Variants in CNTNAP5 observed in about 807,000 individuals in gnomAD.
CNTNAP5 encodes contactin-associated protein-like 5.
In CNTNAP5, 72 loss-of-function variants were observed where a neutral mutation model predicts 150.2. The ratio of observed to expected loss-of-function variants is 0.48; its 90% CI spans 0.40 to 0.58. The LOEUF (loss-of-function observed/expected upper bound fraction) is 0.58. Among genes scored for constraint, CNTNAP5 ranks in the 20% least tolerant of loss-of-function variants. The pLI, the probability that CNTNAP5 is intolerant of heterozygous loss-of-function variation, is 0.00. For missense variants in CNTNAP5, 1,636 were observed against 1,626.2 expected, an observed-to-expected ratio of 1.01 and a Z score of -0.10; for synonymous variants, 672 against 619.8, an observed-to-expected ratio of 1.08 and a Z score of -1.25.
At chr2:124,307,013 C>G (rs987214861) in intron 3 of CNTNAP5, among the ~76,000 whole-genome samples, 1 of 152,092 alleles carries the variant, frequency 6.6e-6, no homozygotes, top group Non-Finnish European at 1.5e-5. Context: ...TAGGAATGAG[C>G]CACTGCAGCC....
intron 1 of CNTNAP5, among the ~76,000 whole-genome samples, chr2:124,113,023 G>T (rs1187488697): frequency 6.6e-6 from 1 of 152,160 alleles, no homozygotes; most frequent in African/African-American, 2.4e-5. Flanking sequence ...TCAAGAGTTA[G>T]CAGAGAGCTG....
chr2:124,693,827 C>CAA (rs140893750), intron 13 of CNTNAP5, among the ~76,000 whole-genome samples: 5 of 100,476 alleles, frequency 5.0e-5, no homozygotes, highest in South Asian at 3.3e-4. Flanking sequence ...CAAAAGAAAG[C>CAA]AAAAAAAAAA....
chr2:124,330,213 T>C (rs547381705), intron 3 of CNTNAP5, among the ~76,000 whole-genome samples: 2 of 152,272 alleles, frequency 1.3e-5, no homozygotes, highest in Admixed American at 1.3e-4. Context: ...TCAACCTCAG[T>C]TCCTCAAAGC....
chr2:124,318,357 AT>A (rs1364037958), intron 3 of CNTNAP5, among the ~76,000 whole-genome samples: 2 of 152,354 alleles, frequency 1.3e-5, no homozygotes, highest in East Asian at 3.9e-4. Flanking sequence ...CAGAATATAT[AT>A]TTTAACCACT....
intron 1 of CNTNAP5, among the ~76,000 whole-genome samples, chr2:124,210,282 A>T (rs1685972395): frequency 6.6e-6 from 1 of 152,178 alleles, no homozygotes; most frequent in South Asian, 2.1e-4. Flanking sequence ...TTTAAATATG[A>T]TTTGGAAGTC....
intron 3 of CNTNAP5, among the ~76,000 whole-genome samples, chr2:124,322,161 TAATAAAATAAAATAAAATAAAATAA>T (rs10524229): frequency 1.3e-5 from 2 of 149,028 alleles, no homozygotes; most frequent in African/African-American, 2.5e-5. Flanking sequence ...AAAATAATAA[TAATAAAATAAAATAAAATAAAATAA>T]AATAAAATAA....
In CNTNAP5 at chr2:124,915,639, A is replaced by T. The variant is rs938736862; in HGVS notation, c.*1351A>T. Among the ~76,000 whole-genome samples the T allele has an allele frequency of 6.6e-6, 1 of 151,998 alleles. No homozygotes were observed. The highest frequency in any genetic ancestry group is 2.4e-5 in the African/African-American group (1 of 41,422). ...TATATACATAAAGACCCTTCCAAAC[A>T]TCTTTTTATAGGCTTAAACTCCCAA... On this transcript the variant is annotated 3_prime_UTR_variant, in exon 24 of 24. Coordinates refer to ENST00000682447, the MANE Select transcript of CNTNAP5 (RefSeq NM_001367498.1).
intron 13 of CNTNAP5, among the ~76,000 whole-genome samples, chr2:124,728,831 G>A (rs972744289): frequency 6.6e-6 from 1 of 151,986 alleles, no homozygotes; most frequent in East Asian, 1.9e-4. Flanking sequence ...ATTTGAATGA[G>A]TCTTCATAAT....
At chr2:124,358,583 T>G (rs1302371745) in intron 3 of CNTNAP5, among the ~76,000 whole-genome samples, 2 of 152,232 alleles carry the variant, frequency 1.3e-5, no homozygotes, top group African/African-American at 4.8e-5. Flanking sequence ...TGTCTTTGGC[T>G]CTGTTTATAT....
intron 3 of CNTNAP5, among the ~76,000 whole-genome samples, chr2:124,280,232 A>G (rs1558832351): frequency 6.6e-6 from 1 of 151,964 alleles, no homozygotes; most frequent in Non-Finnish European, 1.5e-5. Context: ...CAGTAGCACG[A>G]TCTCAGCTCA....
chr2:124,905,763 T>C (rs1678522568), intron 22 of CNTNAP5, among the ~76,000 whole-genome samples: 1 of 151,982 alleles, frequency 6.6e-6, no homozygotes. Context: ...GCAGCTTCCA[T>C]GGGAAGGAAT....
intron 1 of CNTNAP5, among the ~76,000 whole-genome samples, chr2:124,149,945 A>T (rs1371922248): frequency 6.6e-6 from 1 of 152,140 alleles, no homozygotes; most frequent in African/African-American, 2.4e-5. Context: ...TCTGGCCAAC[A>T]CTGCTGCTTT....
intron 11 of CNTNAP5, among the ~76,000 whole-genome samples, chr2:124,601,166 T>C (rs1356177922): frequency 6.6e-6 from 1 of 152,138 alleles, no homozygotes; most frequent in African/African-American, 2.4e-5. Flanking sequence ...AAAACATGTA[T>C]GGTTGAAGAA....
In CNTNAP5 at chr2:124,684,742, G is replaced by T. The variant is rs72976467; in HGVS notation, c.2077+36784G>T. 7.0e-3 allele frequency among the ~76,000 whole-genome samples: 1,049 copies of T among 150,514 alleles called. 12 individuals are homozygous for T. The highest frequency in any genetic ancestry group is 0.025 in the African/African-American group (1,004 of 40,846). On this transcript the variant is annotated intron_variant, in intron 13 of 23. Transcript: ENST00000682447. ...AGCTCTTATTTAATTATTAGTATGT[G>T]CCAGGCAGTGTGCTAGGAGATCTAC...
chr2:124,378,414 T>C (rs185016362), intron 3 of CNTNAP5, among the ~76,000 whole-genome samples: 39 of 152,286 alleles, frequency 2.6e-4, no homozygotes, highest in Admixed American at 7.2e-4. Flanking sequence ...TTTAGTATTT[T>C]TGCATGTATT....
chr2:124,153,919 CT>C (rs1016169538), intron 1 of CNTNAP5, among the ~76,000 whole-genome samples: 8 of 151,754 alleles, frequency 5.3e-5, no homozygotes, highest in African/African-American at 1.9e-4. Context: ...GGCCCTGGGG[CT>C]TTTTTTCTTT....
chr2:124,462,756 T>C (rs2420865), intron 6 of CNTNAP5, among the ~76,000 whole-genome samples: 31,159 of 152,120 alleles, frequency 0.2, 3,478 homozygotes, highest in East Asian at 0.33. Flanking sequence ...GAACCACATA[T>C]CATGAATCTA....
chr2:124,675,052 G>T (rs1357405575), intron 13 of CNTNAP5, among the ~76,000 whole-genome samples: 2 of 151,976 alleles, frequency 1.3e-5, no homozygotes, highest in Non-Finnish European at 2.9e-5. Context: ...AAGAGTGTTG[G>T]ATTCTCAACC....
chr2:124,499,374 C>G (rs749409285), intron 7 of CNTNAP5, among the ~76,000 whole-genome samples: 3 of 152,164 alleles, frequency 2.0e-5, no homozygotes, highest in Non-Finnish European at 2.9e-5. Context: ...GAGAAGGCAG[C>G]CACTGTGGGA....
Sources: gnomAD v4.1 joint callset for allele counts (sites outside exome capture counted in the v4.1 genomes callset) on GRCh38, gnomAD v4.1.1 for gene constraint, MANE v1.5 for transcripts, NCBI Gene and HGNC (gene_info 2026-07-23, HGNC 2026-07-21) for gene names.